KHDRBS2: variants seen among roughly 807,000 people sequenced by gnomAD.
The protein encoded by KHDRBS2 is KH domain-containing, RNA-binding, signal transduction-associated protein 2.
KHDRBS2 carries 26 observed loss-of-function variants against 44.3 expected under a neutral mutation model. That is an observed-to-expected ratio of 0.59 (90% CI 0.43 to 0.81). The LOEUF (loss-of-function observed/expected upper bound fraction) is 0.81, where lower values mean the gene tolerates loss of function less well. KHDRBS2 is among the 40% of genes least tolerant of loss of function. KHDRBS2 has a pLI of 0.00. For synonymous variants in KHDRBS2, 194 were observed against 151.1 expected (o/e 1.28, Z -2.08); for missense variants, 476 against 433.1 (o/e 1.10, Z -0.88).
intron 8 of KHDRBS2, among the ~76,000 whole-genome samples, chr6:61,686,502 T>C (rs1347704409): frequency 6.6e-6 from 1 of 151,778 alleles, no homozygotes; most frequent in Non-Finnish European, 1.5e-5. Context: ...TGTTTTGCTA[T>C]TGTTGCAACT....
chr6:62,019,882 G>T (rs902036828), intron 3 of KHDRBS2, among the ~76,000 whole-genome samples: 3 of 151,478 alleles, frequency 2.0e-5, no homozygotes, highest in Non-Finnish European at 3.0e-5. Flanking sequence ...CCAAGAACAA[G>T]AATTTTTATT....
the KHDRBS2 span, chr6:61,630,349 A>T: frequency 1.7e-5 from 2 of 120,356 alleles, no homozygotes; most frequent in African/African-American, 6.4e-5. Context: ...CATTTTTTGT[A>T]GGTAGAGCAA....
chr6:61,756,802 G>C (rs1778561128), intron 6 of KHDRBS2, among the ~76,000 whole-genome samples: 1 of 152,206 alleles, frequency 6.6e-6, no homozygotes, highest in Non-Finnish European at 1.5e-5. Flanking sequence ...CCACAATCAA[G>C]ATGATGAACA....
the KHDRBS2 span, among the ~76,000 whole-genome samples, chr6:61,623,557 G>T: frequency 2.0e-5 from 3 of 152,148 alleles, no homozygotes; most frequent in African/African-American, 7.2e-5. Flanking sequence ...GATTCTGTTG[G>T]ACCCAGAAAT....
At chr6:62,268,631 G>A (rs567535027) in intron 1 of KHDRBS2, among the ~76,000 whole-genome samples, 2 of 152,002 alleles carry the variant, frequency 1.3e-5, no homozygotes, top group South Asian at 4.1e-4. Flanking sequence ...ACAACATACT[G>A]TCTAAGCTTA....
intron 2 of KHDRBS2, among the ~76,000 whole-genome samples, chr6:62,064,679 T>C (rs1431175049): frequency 2.0e-5 from 3 of 151,902 alleles, no homozygotes; most frequent in Admixed American, 6.6e-5. Flanking sequence ...ATAAAAACCC[T>C]AGAAGAAAAC....
At chr6:62,242,635 A>T (rs530876675) in intron 1 of KHDRBS2, among the ~76,000 whole-genome samples, 4 of 145,994 alleles carry the variant, frequency 2.7e-5, no homozygotes, top group Non-Finnish European at 4.5e-5. Context: ...ATCTTAATTT[A>T]AAAAAAAAAA....
At chr6:62,088,414 C>T (rs114693177) in intron 2 of KHDRBS2, among the ~76,000 whole-genome samples, 27 of 152,238 alleles carry the variant, frequency 1.8e-4, no homozygotes, top group South Asian at 8.3e-4. Flanking sequence ...GATGGTGATG[C>T]TATTGTTTTC....
At chr6:61,941,882 G>A (rs554786692) in intron 4 of KHDRBS2, among the ~76,000 whole-genome samples, 3 of 152,012 alleles carry the variant, frequency 2.0e-5, no homozygotes, top group Non-Finnish European at 4.4e-5. Flanking sequence ...CACCTCCAAC[G>A]AACATAATAA....
the KHDRBS2 span, among the ~76,000 whole-genome samples, chr6:61,557,133 T>C: frequency 1.3e-5 from 2 of 152,146 alleles, no homozygotes; most frequent in African/African-American, 4.8e-5. Flanking sequence ...GATCTGCAGC[T>C]GCAGTTAGAA....
intron 2 of KHDRBS2, among the ~76,000 whole-genome samples, chr6:62,143,159 T>C (rs1813217574): frequency 1.3e-5 from 2 of 151,936 alleles, no homozygotes; most frequent in African/African-American, 4.8e-5. Context: ...GTAACGTTTC[T>C]GCATATACTT....
intron 2 of KHDRBS2, among the ~76,000 whole-genome samples, chr6:62,078,174 T>A (rs540335044): frequency 2.6e-5 from 4 of 152,162 alleles, no homozygotes; most frequent in African/African-American, 7.2e-5. Context: ...ACATAATTTA[T>A]CAATATAAAA....
At chr6:61,985,979 A>G (rs1774985415) in intron 3 of KHDRBS2, among the ~76,000 whole-genome samples, 1 of 152,188 alleles carries the variant, frequency 6.6e-6, no homozygotes, top group African/African-American at 2.4e-5. Context: ...GAACCATAGA[A>G]ACATTGGGTG....
At chr6:62,069,392 G>C (rs968487960) in intron 2 of KHDRBS2, among the ~76,000 whole-genome samples, 50 of 151,732 alleles carry the variant, frequency 3.3e-4, no homozygotes, top group African/African-American at 1.1e-3. Context: ...CGCATAGTCT[G>C]TGTGAAATGG....
chr6:61,667,954 G>A, the KHDRBS2 span, among the ~76,000 whole-genome samples: 1 of 150,988 alleles, frequency 6.6e-6, no homozygotes, highest in Non-Finnish European at 1.5e-5. Context: ...TACTTCTGAG[G>A]AATCAAATAA....
chr6:61,551,585 T>TTACCC, the KHDRBS2 span, among the ~76,000 whole-genome samples: 1 of 152,212 alleles, frequency 6.6e-6, no homozygotes. Context: ...TGCATATGGC[T>TTACCC]AGCCAGTTAC....
At chr6:61,546,753 C>T in the KHDRBS2 span, among the ~76,000 whole-genome samples, 1 of 152,136 alleles carries the variant, frequency 6.6e-6, no homozygotes, top group Non-Finnish European at 1.5e-5. Context: ...CACCTCCTAC[C>T]ACCACACAGT....
chr6:62,165,448 C>T (rs1210396345), intron 2 of KHDRBS2, among the ~76,000 whole-genome samples: 1 of 150,526 alleles, frequency 6.6e-6, no homozygotes, highest in African/African-American at 2.4e-5. Context: ...TACATGCGTC[C>T]ATGTTTATTT....
At chr6:61,563,385 T>C in the KHDRBS2 span, among the ~76,000 whole-genome samples, 1 of 152,058 alleles carries the variant, frequency 6.6e-6, no homozygotes, top group Admixed American at 6.6e-5. Flanking sequence ...AGTTAGAAGG[T>C]TTTAAACCTC....
Sources: allele counts gnomAD v4.1 joint callset (sites outside exome capture counted in the v4.1 genomes callset), GRCh38; gene constraint gnomAD v4.1.1; transcripts MANE v1.5; gene names NCBI Gene and HGNC (gene_info 2026-07-23, HGNC 2026-07-21).